Variants in GABRG3 observed in about 807,000 individuals in gnomAD.
The protein encoded by GABRG3 is gamma-aminobutyric acid type A receptor subunit gamma3.
A neutral mutation model predicts 48.8 loss-of-function variants in GABRG3; 25 were observed. The ratio of observed to expected loss-of-function variants is 0.51; its 90% CI spans 0.37 to 0.72. GABRG3 has a LOEUF of 0.72. Among genes scored for constraint, GABRG3 ranks in the 30% least tolerant of loss-of-function variants. The probability of loss-of-function intolerance (pLI) is 0.00; values close to 1 mark genes in which losing one functional copy is unlikely to be tolerated. For missense variants in GABRG3, 394 were observed against 577.9 expected, an observed-to-expected ratio of 0.68 and a Z score of 3.26; for synonymous variants, 227 against 217.6, an observed-to-expected ratio of 1.04 and a Z score of -0.38.
intron 5 of GABRG3, among the ~76,000 whole-genome samples, chr15:27,451,196 T>G (rs1889101532): frequency 6.6e-6 from 1 of 152,118 alleles, no homozygotes; most frequent in Admixed American, 6.5e-5. Flanking sequence ...ATCCTAAAAC[T>G]TATATGGAAC....
At position 27,527,476 on chromosome 15, in the gene GABRG3, C is replaced by T. The variant is rs778114963; in HGVS notation, c.909C>T (p.Ala303=). Reference sequence around the variant, plus strand: ...CCATGACCACCCTGAGCACCATCGCCAGGAAGTCCTTGCCACGCGTGTCCT... The same window carrying T: ...CCATGACCACCCTGAGCACCATCGCTAGGAAGTCCTTGCCACGCGTGTCCT... ...VLTMTTLSTI[A]RKSLPRVSYV... Residue 303 remains alanine, a synonymous_variant, in exon 8 of 10, where the codon GCC becomes GCT. Transcript: ENST00000615808. 3.1e-6 allele frequency: 5 copies of T among 1,613,982 alleles called. No individual in the cohort carries two copies. In the South Asian group the frequency reaches 5.5e-5, roughly 18 times the overall value.
intron 3 of GABRG3, among the ~76,000 whole-genome samples, chr15:27,147,587 T>C (rs1898233088): frequency 6.6e-6 from 1 of 151,970 alleles, no homozygotes. Flanking sequence ...TAAATAAGTT[T>C]TAAGAAATTT....
At chr15:27,486,445 G>C (rs968683491) in intron 6 of GABRG3, among the ~76,000 whole-genome samples, 1 of 152,174 alleles carries the variant, frequency 6.6e-6, no homozygotes, top group Non-Finnish European at 1.5e-5. Context: ...GCTTCTGTAA[G>C]TAATTCTCCA....
chr15:27,349,425 G>A (rs1239205465), intron 5 of GABRG3, among the ~76,000 whole-genome samples: 1 of 152,128 alleles, frequency 6.6e-6, no homozygotes, highest in Non-Finnish European at 1.5e-5. Context: ...CCTCTGGGTT[G>A]GGATTATGCC....
At chr15:27,314,911 A>G (rs918802340) in intron 3 of GABRG3, among the ~76,000 whole-genome samples, 1 of 152,178 alleles carries the variant, frequency 6.6e-6, no homozygotes, top group African/African-American at 2.4e-5. Flanking sequence ...GGAGGGAGAA[A>G]TGGAAAATTT....
At chr15:27,262,343 A>C (rs761732150) in intron 3 of GABRG3, among the ~76,000 whole-genome samples, 7 of 152,230 alleles carry the variant, frequency 4.6e-5, no homozygotes, top group Non-Finnish European at 7.3e-5. Flanking sequence ...TGCTGATGGT[A>C]AGAGTGCTAT....
chr15:26,977,998 T>A (rs766705040), intron 2 of GABRG3, among the ~76,000 whole-genome samples: 1 of 152,238 alleles, frequency 6.6e-6, no homozygotes, highest in African/African-American at 2.4e-5. Context: ...ATTTTCACTA[T>A]TTTTTATTTT....
At chr15:27,308,121 C>G (rs1160287499) in intron 3 of GABRG3, among the ~76,000 whole-genome samples, 1 of 119,194 alleles carries the variant, frequency 8.4e-6, no homozygotes, top group Non-Finnish European at 1.7e-5. Context: ...TACATCCAAA[C>G]ATATATAAAC....
rs548662687 is a variant in GABRG3, at chr15:27,289,272, C to CTTTT, written c.271-37530_271-37527dup. Among the ~76,000 whole-genome samples, 975 of 149,032 alleles carry CTTTT rather than the reference C, an allele frequency of 6.5e-3. 11 individuals are homozygous for CTTTT. The highest frequency in any genetic ancestry group is 0.023 in the African/African-American group (936 of 40,606). ...TTTCCGCCCATTCTATGCCTCTACTCTTTTTTTTTTCTGAGAATCCAGTTA... is the reference window on the plus strand; with the variant it reads ...TTTCCGCCCATTCTATGCCTCTACTCTTTTTTTTTTTTTTCTGAGAATCCAGTTA... On this transcript the variant is annotated intron_variant, in intron 3 of 9. Coordinates refer to ENST00000615808, the MANE Select transcript of GABRG3 (RefSeq NM_033223.5).
chr15:27,346,184 A>G (rs1034537610), intron 5 of GABRG3, among the ~76,000 whole-genome samples: 1 of 152,128 alleles, frequency 6.6e-6, no homozygotes, highest in Non-Finnish European at 1.5e-5. Flanking sequence ...TTGAGGGATA[A>G]TTTATCTGGA....
chr15:27,278,050 C>G (rs1388195390), intron 3 of GABRG3, among the ~76,000 whole-genome samples: 1 of 149,882 alleles, frequency 6.7e-6, no homozygotes, highest in South Asian at 2.1e-4. Context: ...GTATATAGCT[C>G]GATGCATTTT....
At chr15:27,100,217 C>CAA (rs36148252) in intron 3 of GABRG3, among the ~76,000 whole-genome samples, 1 of 130,884 alleles carries the variant, frequency 7.6e-6, no homozygotes, top group Admixed American at 7.8e-5. Context: ...GACCCTGTCT[C>CAA]AAAAAAAAAA....
rs183062637 is a variant in GABRG3, at chr15:27,129,369, G to T, written c.270+102548G>T. On this transcript the variant is annotated intron_variant, in intron 3 of 9. Coordinates refer to ENST00000615808, the MANE Select transcript of GABRG3 (RefSeq NM_033223.5). Reference sequence around the variant, plus strand: ...ATTAATGTCTTCAAGGTTCATTCATGTCTTAGCATTTCCTTCCTTTTTAAA... The same window carrying T: ...ATTAATGTCTTCAAGGTTCATTCATTTCTTAGCATTTCCTTCCTTTTTAAA... 3.0e-4 allele frequency among the ~76,000 whole-genome samples: 46 copies of T among 152,234 alleles called. No homozygotes were observed. The East Asian group carries it at 6.8e-3, about 22-fold the overall frequency.
intron 3 of GABRG3, among the ~76,000 whole-genome samples, chr15:27,314,943 T>G (rs1893160437): frequency 6.6e-6 from 1 of 152,160 alleles, no homozygotes; most frequent in African/African-American, 2.4e-5. Context: ...GCATAAAGCC[T>G]CAATTATAAA....
At chr15:27,031,628 A>G (rs1051786623) in intron 3 of GABRG3, among the ~76,000 whole-genome samples, 3 of 152,194 alleles carry the variant, frequency 2.0e-5, no homozygotes, top group African/African-American at 4.8e-5. Context: ...CTACACATTT[A>G]AAACTGAAAA....
At chr15:27,241,075 T>C (rs2140453681) in intron 3 of GABRG3, among the ~76,000 whole-genome samples, 1 of 152,316 alleles carries the variant, frequency 6.6e-6, no homozygotes, top group East Asian at 1.9e-4. Flanking sequence ...CAAGCATCCA[T>C]AGGAAAGGTT....
At chr15:27,407,088 C>G (rs543797166) in intron 5 of GABRG3, among the ~76,000 whole-genome samples, 19 of 151,994 alleles carry the variant, frequency 1.3e-4, no homozygotes, top group Non-Finnish European at 1.5e-5. Context: ...CGACCACGGC[C>G]GGCTAATTTT....
At chr15:27,052,979 G>A (rs1006854823) in intron 3 of GABRG3, among the ~76,000 whole-genome samples, 1 of 152,086 alleles carries the variant, frequency 6.6e-6, no homozygotes, top group Non-Finnish European at 1.5e-5. Flanking sequence ...GAATGAAACT[G>A]GACCCTACAT....
chr15:27,082,461 A>G (rs1897006986), intron 3 of GABRG3, among the ~76,000 whole-genome samples: 1 of 152,206 alleles, frequency 6.6e-6, no homozygotes, highest in Admixed American at 6.5e-5. Flanking sequence ...ATAAGACAAA[A>G]AAAATTCTGC....
Sources: allele counts gnomAD v4.1 joint callset (sites outside exome capture counted in the v4.1 genomes callset), GRCh38; gene constraint gnomAD v4.1.1; transcripts MANE v1.5; gene names NCBI Gene and HGNC (gene_info 2026-07-23, HGNC 2026-07-21).